AGAP1: variants seen among roughly 807,000 people sequenced by gnomAD.
AGAP1 encodes arf-GAP with GTPase, ANK repeat and PH domain-containing protein 1.
AGAP1 carries 29 observed loss-of-function variants against 105.3 expected under a neutral mutation model. That is an observed-to-expected ratio of 0.28 (90% CI 0.21 to 0.38). The LOEUF (loss-of-function observed/expected upper bound fraction) is 0.38, where lower values mean the gene tolerates loss of function less well. AGAP1 is among the 10% of genes least tolerant of loss of function. AGAP1 has a pLI of 1.00. For synonymous variants in AGAP1, 509 were observed against 485.9 expected (o/e 1.05, Z -0.63); for missense variants, 998 against 1,165.1 (o/e 0.86, Z 2.09).
At position 236,095,887 on chromosome 2, in the gene AGAP1, C is replaced by T. The variant is rs1272005049; in HGVS notation, c.2115-24305C>T. Among the ~76,000 whole-genome samples, 1 of 143,978 alleles carries T rather than the reference C, an allele frequency of 6.9e-6. No homozygotes were observed. The highest frequency in any genetic ancestry group is 7.1e-5 in the Admixed American group (1 of 14,036). The allele number at this position is 143,978 out of a possible 152,430, so 94.5% of individuals were successfully genotyped here. On this transcript the variant is annotated intron_variant, in intron 16 of 17. Transcript: ENST00000304032. This position sits in a 1 kb window ranked among gnomAD's most constrained non-coding sequence, Gnocchi z 4.1. ...CTGCTTTTTTCCTTTTAGGATGTGC[C>T]TCTCCATAGAGAAGAAGTTCACATT...
Position 235,518,077 on chromosome 2 carries a change from G to A in AGAP1, c.163+23228G>A, listed in dbSNP as rs114510031. 2.2e-3 allele frequency among the ~76,000 whole-genome samples: 335 copies of A among 152,294 alleles called. 1 individual carries two copies. The highest frequency in any genetic ancestry group is 7.6e-3 in the African/African-American group (317 of 41,550). On this transcript the variant is annotated intron_variant, in intron 1 of 17. Transcript: ENST00000304032. Reference sequence around the variant, plus strand: ...CAGGCCCAGCCTCCGAAGGTGCAGCGCAGGGACCCTAACCTGAGAGCTGGA... The same window carrying A: ...CAGGCCCAGCCTCCGAAGGTGCAGCACAGGGACCCTAACCTGAGAGCTGGA...
At chr2:235,670,945 G>A in intron 1 of AGAP1, 1 of 1,318,628 alleles carries the variant, frequency 7.6e-7, no homozygotes, top group Non-Finnish European at 9.6e-7. Flanking sequence ...CGGGCGGCGG[G>A]CCCTCGCCAC....
In AGAP1 at chr2:235,677,460, C is replaced by T. The variant is rs568772601; in HGVS notation, c.164-31719C>T. ...TCTGTGGGAGTGGAAGGGAAAATGA[C>T]GGTTTCTTTCCTATACTGTCCTTTG... is the stretch of plus-strand genomic sequence containing the variant. On this transcript the variant is annotated intron_variant, in intron 1 of 17. Transcript: ENST00000304032. 2.6e-4 allele frequency among the ~76,000 whole-genome samples: 40 copies of T among 152,192 alleles called. 1 individual carries two copies. Among genetic ancestry groups the T allele is most frequent in the Admixed American group, 2.4e-3 (36 of 15,294 alleles).
chr2:235,954,239 C>CAAA (rs34138034), intron 12 of AGAP1, among the ~76,000 whole-genome samples: 1 of 128,156 alleles, frequency 7.8e-6, no homozygotes, highest in Non-Finnish European at 1.7e-5. Flanking sequence ...ACTCTGCCTC[C>CAAA]AAAAAAAAAA....
At chr2:235,812,418 G>A (rs892906789) in intron 9 of AGAP1, among the ~76,000 whole-genome samples, 5 of 152,242 alleles carry the variant, frequency 3.3e-5, no homozygotes, top group African/African-American at 9.6e-5. Context: ...TCAATTAAGT[G>A]AAAGGAACCT....
rs1418178510 is a variant in AGAP1 at position 235,750,523 on chromosome 2, C to A, written c.673+35C>A. 5 of 1,612,406 alleles carry A rather than the reference C, an allele frequency of 3.1e-6. No homozygotes were observed. Among genetic ancestry groups the A allele is most frequent in the Admixed American group, 3.3e-5 (2 of 59,986 alleles). ...CGTGGCTGGGAGTTTAATTTCAGTT[C>A]ATGATAGACGGGAGGCACTTCAAGA... On this transcript the variant is annotated intron_variant, in intron 6 of 17. Transcript: ENST00000304032. This position sits in a 1 kb window ranked among gnomAD's most constrained non-coding sequence, Gnocchi z 5.3.
rs941071261 is a variant in AGAP1 at position 235,517,493 on chromosome 2, C to T, written c.163+22644C>T. ...ATGGTAATTTTATTTTAATTGAGGTCGCAGGGACTAATTTTTACTGGAAAG... is the reference window on the plus strand; with the variant it reads ...ATGGTAATTTTATTTTAATTGAGGTTGCAGGGACTAATTTTTACTGGAAAG... On this transcript the variant is annotated intron_variant, in intron 1 of 17. Transcript: ENST00000304032. The surrounding 1 kb of genome is among the most constrained non-coding windows in gnomAD (Gnocchi z 4.1). 3.9e-5 allele frequency among the ~76,000 whole-genome samples: 6 copies of T among 151,922 alleles called. No homozygotes were observed. Among genetic ancestry groups the T allele is most frequent in the East Asian group, 1.9e-4 (1 of 5,190 alleles).
rs570360095 is a variant in AGAP1 at position 235,659,556 on chromosome 2, C to T, written c.164-49623C>T. ...ACTTGCCAGGCGTCAGTGCCCTGCT[C>T]GGGGTCCCTTTGCAGCTCCCCTGAA... On this transcript the variant is annotated intron_variant, in intron 1 of 17. Transcript: ENST00000304032. The surrounding 1 kb of genome is among the most constrained non-coding windows in gnomAD (Gnocchi z 5.0). Among the ~76,000 whole-genome samples the T allele has an allele frequency of 2.0e-5, 3 of 152,162 alleles. No homozygotes were observed. Among genetic ancestry groups the T allele is most frequent in the African/African-American group, 4.8e-5 (2 of 41,442 alleles).
Position 235,865,253 on chromosome 2 carries a change from G to C in AGAP1, c.1051-18092G>C, listed in dbSNP as rs959605979. 6.6e-6 allele frequency among the ~76,000 whole-genome samples: 1 copy of C among 152,128 alleles called. No individual in the cohort carries two copies. On this transcript the variant is annotated intron_variant, in intron 9 of 17. Coordinates refer to ENST00000304032, the MANE Select transcript of AGAP1 (RefSeq NM_001037131.3). This position sits in a 1 kb window ranked among gnomAD's most constrained non-coding sequence, Gnocchi z 6.2. Reference sequence around the variant, plus strand: ...TTAGCTCCTGGCCGAATCCAGTCCCGGCCGGCGCTTTGAAGCCTGTGCTGT... The same window carrying C: ...TTAGCTCCTGGCCGAATCCAGTCCCCGCCGGCGCTTTGAAGCCTGTGCTGT...
rs79990068 is a variant in AGAP1, at chr2:235,564,275, C to G, written c.163+69426C>G. Among the ~76,000 whole-genome samples the G allele has an allele frequency of 7.3e-3, 1,116 of 152,222 alleles. 13 individuals are homozygous for G. The highest frequency in any genetic ancestry group is 0.025 in the African/African-American group (1,049 of 41,526). On this transcript the variant is annotated intron_variant, in intron 1 of 17. Coordinates refer to ENST00000304032, the MANE Select transcript of AGAP1 (RefSeq NM_001037131.3). ...ACCTGGCTTAAATGACAGCCTTGAG[C>G]CTTGCTTTGGAGCAGTCAGACTCTC...
intron 6 of AGAP1, among the ~76,000 whole-genome samples, chr2:235,791,746 C>A (rs1352970326): frequency 6.6e-6 from 1 of 152,118 alleles, no homozygotes; most frequent in Non-Finnish European, 1.5e-5. Context: ...CAAGGTTTCA[C>A]CATGTTGACC....
chr2:235,678,051 C>T (rs1026333838), intron 1 of AGAP1, among the ~76,000 whole-genome samples: 5 of 150,960 alleles, frequency 3.3e-5, no homozygotes, highest in Non-Finnish European at 7.4e-5. Flanking sequence ...TAAGTGCTGC[C>T]GCCTCAGGAG....
At chr2:235,838,374 T>A (rs139463280) in intron 9 of AGAP1, among the ~76,000 whole-genome samples, 51 of 152,368 alleles carry the variant, frequency 3.3e-4, no homozygotes, top group Non-Finnish European at 6.5e-4. Flanking sequence ...TATGTGTATA[T>A]ACAGTTTCTG....
intron 6 of AGAP1, among the ~76,000 whole-genome samples, chr2:235,797,521 G>C (rs1298470889): frequency 2.0e-5 from 3 of 151,590 alleles, no homozygotes; most frequent in East Asian, 3.9e-4. Context: ...CTCTCATCCT[G>C]CTGGCCAGAG....
At chr2:235,529,791 A>G (rs949205968) in intron 1 of AGAP1, among the ~76,000 whole-genome samples, 2 of 152,184 alleles carry the variant, frequency 1.3e-5, no homozygotes, top group Non-Finnish European at 2.9e-5. Context: ...GGTGGGCAGA[A>G]ATCGAGGCCC....
In AGAP1 at chr2:236,035,045, G is replaced by A. The variant is rs1242636644; in HGVS notation, c.1646-1516G>A. Among the ~76,000 whole-genome samples the A allele has an allele frequency of 1.3e-5, 2 of 152,192 alleles. No homozygotes were observed. Among genetic ancestry groups the A allele is most frequent in the African/African-American group, 4.8e-5 (2 of 41,452 alleles). ...CGTCCTCACGTCCCAGGCTGCAGGC[G>A]CATTGTGAGGAAGGGCCTGGGAGAG... On this transcript the variant is annotated intron_variant, in intron 13 of 17. Coordinates refer to ENST00000304032, the MANE Select transcript of AGAP1 (RefSeq NM_001037131.3). This position sits in a 1 kb window ranked among gnomAD's most constrained non-coding sequence, Gnocchi z 4.2.
At position 236,058,978 on chromosome 2, in the gene AGAP1, C is replaced by T. The variant is rs992782649; in HGVS notation, c.2114+9697C>T. On this transcript the variant is annotated intron_variant, in intron 16 of 17. Coordinates refer to ENST00000304032, the MANE Select transcript of AGAP1 (RefSeq NM_001037131.3). The surrounding 1 kb of genome is among the most constrained non-coding windows in gnomAD (Gnocchi z 4.6). The stretch of plus-strand genomic sequence containing the variant: ...CCAGGATTTCAAGGCTGCAGTGGGC[C>T]ACAATCGCACCACCACTTTCCAGCC... Among the ~76,000 whole-genome samples the T allele has an allele frequency of 6.6e-6, 1 of 152,006 alleles. No homozygotes were observed. Among genetic ancestry groups the T allele is most frequent in the African/African-American group, 2.4e-5 (1 of 41,358 alleles).
In AGAP1 at chr2:235,696,770, C is replaced by T. The variant is rs565397441; in HGVS notation, c.164-12409C>T. On this transcript the variant is annotated intron_variant, in intron 1 of 17. Coordinates refer to ENST00000304032, the MANE Select transcript of AGAP1 (RefSeq NM_001037131.3). Reference sequence around the variant, plus strand: ...GCCACCTCTCAGAATGAGCCCCGTCCCCACCTTATACGAGACCATCCCAGC... The same window carrying T: ...GCCACCTCTCAGAATGAGCCCCGTCTCCACCTTATACGAGACCATCCCAGC... Among the ~76,000 whole-genome samples, 8 of 152,174 alleles carry T rather than the reference C, an allele frequency of 5.3e-5. No homozygotes were observed. The East Asian group carries it at 1.4e-3, about 26-fold the overall frequency.
chr2:235,667,057 A>T (rs1948149863), intron 1 of AGAP1, among the ~76,000 whole-genome samples: 1 of 152,138 alleles, frequency 6.6e-6, no homozygotes, highest in Non-Finnish European at 1.5e-5. Flanking sequence ...AGCTGCAGTG[A>T]TAAAATTTTA....
Sources: gnomAD v4.1 joint callset for allele counts (sites outside exome capture counted in the v4.1 genomes callset) on GRCh38, gnomAD v4.1.1 for gene constraint, Gnocchi (gnomAD v3.1) non-coding constraint, MANE v1.5 for transcripts, NCBI Gene and HGNC (gene_info 2026-07-23, HGNC 2026-07-21) for gene names.